TENM3: variants seen among roughly 807,000 people sequenced by gnomAD.
The protein encoded by TENM3 is teneurin transmembrane protein 3, also known as teneurin-3.
In TENM3, 63 loss-of-function variants were observed where a neutral mutation model predicts 255.1. That is an observed-to-expected ratio of 0.25 (90% confidence interval 0.20 to 0.30). TENM3 has a LOEUF of 0.30. Among genes scored for constraint, TENM3 ranks in the 10% least tolerant of loss-of-function variants. The pLI is 1.00. For missense variants in TENM3, 2,929 were observed against 3,461.1 expected, an observed-to-expected ratio of 0.85 and a Z score of 3.86; for synonymous variants, 1,306 against 1,322.3, an observed-to-expected ratio of 0.99 and a Z score of 0.27.
intron 3 of TENM3, among the ~76,000 whole-genome samples, chr4:182,558,556 G>A (rs1278871057): frequency 1.3e-5 from 2 of 152,142 alleles, no homozygotes; most frequent in African/African-American, 4.8e-5. Context: ...GGAGTAAGAG[G>A]AAGTAGATTG....
chr4:182,281,067 A>G (rs187721718), intron 1 of TENM3, among the ~76,000 whole-genome samples: 73 of 152,238 alleles, frequency 4.8e-4, no homozygotes, highest in African/African-American at 1.6e-3. Flanking sequence ...TTCCCCTTTA[A>G]TAAAGTAAAA....
the TENM3 span, among the ~76,000 whole-genome samples, chr4:181,883,032 A>G: frequency 6.6e-6 from 1 of 151,498 alleles, no homozygotes; most frequent in Non-Finnish European, 1.5e-5. Flanking sequence ...ATTCCTGCAG[A>G]TTGTCCCTAT....
the TENM3 span, among the ~76,000 whole-genome samples, chr4:182,007,198 A>C: frequency 6.6e-6 from 1 of 152,176 alleles, no homozygotes; most frequent in South Asian, 2.1e-4. Context: ...AAGAATGTAT[A>C]TTCTGTTGAT....
At chr4:182,012,294 G>A in the TENM3 span, among the ~76,000 whole-genome samples, 9 of 152,286 alleles carry the variant, frequency 5.9e-5, no homozygotes, top group African/African-American at 1.7e-4. Flanking sequence ...TCCTGCTTTA[G>A]CACTTTTCCT....
At chr4:182,646,637 G>A (rs1270741056) in intron 5 of TENM3, among the ~76,000 whole-genome samples, 1 of 152,144 alleles carries the variant, frequency 6.6e-6, no homozygotes, top group Non-Finnish European at 1.5e-5. Flanking sequence ...AGCTACTCAG[G>A]AGACTGAGGC....
chr4:182,145,723 TGAAA>T (rs1384242867), intron 1 of TENM3, among the ~76,000 whole-genome samples: 9 of 152,194 alleles, frequency 5.9e-5, no homozygotes, highest in African/African-American at 2.2e-4. Flanking sequence ...GCAATGGAAA[TGAAA>T]GGCTGAGAGC....
chr4:182,590,597 C>T (rs576692647), intron 3 of TENM3, among the ~76,000 whole-genome samples: 15 of 148,510 alleles, frequency 1.0e-4, no homozygotes, highest in South Asian at 4.3e-4. Context: ...CAATGGCTCA[C>T]GCCTATAATC....
intron 3 of TENM3, among the ~76,000 whole-genome samples, chr4:182,509,143 C>G (rs1326793449): frequency 6.6e-6 from 1 of 152,112 alleles, no homozygotes; most frequent in African/African-American, 2.4e-5. Context: ...TTTGGTGAAG[C>G]ATGTAGGTCC....
At chr4:181,591,549 G>T in the TENM3 span, among the ~76,000 whole-genome samples, 1 of 152,182 alleles carries the variant, frequency 6.6e-6, no homozygotes, top group Non-Finnish European at 1.5e-5. Flanking sequence ...CAACACCCAA[G>T]CTATGGACTG....
At chr4:181,513,550 G>A in the TENM3 span, among the ~76,000 whole-genome samples, 1 of 152,136 alleles carries the variant, frequency 6.6e-6, no homozygotes, top group Non-Finnish European at 1.5e-5. Context: ...GAAAAGGAAG[G>A]AAATAGTCCC....
chr4:181,507,876 G>C, the TENM3 span, among the ~76,000 whole-genome samples: 3 of 152,018 alleles, frequency 2.0e-5, no homozygotes, highest in African/African-American at 7.3e-5. Flanking sequence ...CACAACTTTT[G>C]GTTACCCGTG....
At chr4:181,865,550 C>T in the TENM3 span, among the ~76,000 whole-genome samples, 1 of 152,194 alleles carries the variant, frequency 6.6e-6, no homozygotes. Context: ...CCGTCACCCG[C>T]ATGCCTACAC....
At chr4:182,648,755 G>A (rs1424810582) in intron 5 of TENM3, among the ~76,000 whole-genome samples, 2 of 152,098 alleles carry the variant, frequency 1.3e-5, no homozygotes, top group Non-Finnish European at 2.9e-5. Context: ...CATCACCATG[G>A]TGACTTTCAT....
chr4:182,600,868 C>CATATATAT (rs141344153), intron 3 of TENM3, 56 bp from the exon 4 acceptor site: 7 of 628,352 alleles, frequency 1.1e-5, no homozygotes, highest in Non-Finnish European at 1.7e-5. Context: ...TGTGTATATA[C>CATATATAT]ATATATATAT....
the TENM3 span, among the ~76,000 whole-genome samples, chr4:181,877,741 A>G: frequency 2.6e-5 from 4 of 152,162 alleles, no homozygotes; most frequent in Admixed American, 6.5e-5. Context: ...AGAGGAAGGA[A>G]CAAAGAAGGG....
intron 4 of TENM3, among the ~76,000 whole-genome samples, chr4:182,614,786 C>CT (rs1749319446): frequency 6.6e-6 from 1 of 151,384 alleles, no homozygotes; most frequent in Non-Finnish European, 1.5e-5. Context: ...CTCTTTAACT[C>CT]TAACAATGAG....
chr4:181,501,172 G>A, the TENM3 span, among the ~76,000 whole-genome samples: 15 of 152,256 alleles, frequency 9.9e-5, no homozygotes, highest in East Asian at 1.2e-3. Context: ...TTGGCACCAC[G>A]TTTGGACCTT....
the TENM3 span, among the ~76,000 whole-genome samples, chr4:181,542,025 G>A: frequency 6.6e-6 from 1 of 152,172 alleles, no homozygotes; most frequent in Non-Finnish European, 1.5e-5. Context: ...GACATGGCAG[G>A]TATTCTTCTT....
the TENM3 span, among the ~76,000 whole-genome samples, chr4:181,951,833 A>C: frequency 1.3e-5 from 2 of 152,238 alleles, no homozygotes; most frequent in Non-Finnish European, 2.9e-5. Context: ...GAGGACAACA[A>C]TTATGATTTT....
Sources: gnomAD v4.1 joint callset for allele counts (sites outside exome capture counted in the v4.1 genomes callset) on GRCh38, gnomAD v4.1.1 for gene constraint, MANE v1.5 for transcripts, NCBI Gene and HGNC (gene_info 2026-07-23, HGNC 2026-07-21) for gene names.